Variants in MCC observed in about 807,000 individuals in gnomAD.
The protein encoded by MCC is colorectal mutant cancer protein.
In MCC, 90 loss-of-function variants were observed where a neutral mutation model predicts 116.2. The observed-to-expected ratio is 0.77, with a 90% CI of 0.65 to 0.92. The LOEUF is 0.92. Among genes scored for constraint, MCC ranks in the 40% least tolerant of loss-of-function variants. The pLI is 0.00. For missense variants in MCC, 1,516 were observed against 1,312.2 expected (o/e 1.16, Z -2.40); for synonymous variants, 578 against 510.5 (o/e 1.13, Z -1.78).
At chr5:113,183,512 C>T (rs1206019579) in intron 3 of MCC, among the ~76,000 whole-genome samples, 1 of 148,816 alleles carries the variant, frequency 6.7e-6, no homozygotes, top group African/African-American at 2.6e-5. Context: ...CTACCTCCCT[C>T]CCCCAAACAT....
In MCC at chr5:113,122,758, G is replaced by T; in HGVS notation, c.953C>A (p.Ser318Tyr). The change falls in exon 6 of 19, where the codon TCT becomes TAT. Residue 318 changes from serine (S) to tyrosine (Y), a missense_variant. Coordinates refer to ENST00000408903, the MANE Select transcript of MCC (RefSeq NM_001085377.2). The stretch of plus-strand genomic sequence containing the variant: ...GGTCTGGTCTTGGTCCATGCTTCGA[G>T]AGTCCTCGTTGACCTCGTGTTGGCT... ...SQSQHEVNED[S>Y]RSMDQDQTSV... 6.2e-7 allele frequency: 1 copy of T among 1,614,194 alleles called. No individual in the cohort carries two copies. Among genetic ancestry groups the T allele is most frequent in the Non-Finnish European group, 8.5e-7 (1 of 1,180,026 alleles).
chr5:113,238,159 C>CA (rs1202708981), intron 3 of MCC, among the ~76,000 whole-genome samples: 1 of 152,118 alleles, frequency 6.6e-6, no homozygotes, highest in East Asian at 1.9e-4. Context: ...AACTCAGATG[C>CA]AAAAATTACC....
chr5:113,106,625 T>C (rs1756748384), intron 6 of MCC, among the ~76,000 whole-genome samples: 1 of 152,152 alleles, frequency 6.6e-6, no homozygotes, highest in Non-Finnish European at 1.5e-5. Context: ...AGGGGTACAA[T>C]CCTAGCTCAC....
Position 113,458,871 on chromosome 5 carries a change from T to C in MCC, c.170+29374A>G, listed in dbSNP as rs142145518. ...AGATCTCCCTTTTAGGGGCCTCCAATTGACCAGAGGAATCTTCAACTCACC... is the reference window on the plus strand; with the variant it reads ...AGATCTCCCTTTTAGGGGCCTCCAACTGACCAGAGGAATCTTCAACTCACC... On this transcript the variant is annotated intron_variant, in intron 1 of 18. Transcript: ENST00000408903. Among the ~76,000 whole-genome samples the C allele has an allele frequency of 2.8e-3, 425 of 152,214 alleles. 1 individual carries two copies. Among genetic ancestry groups the C allele is most frequent in the African/African-American group, 8.5e-3 (354 of 41,546 alleles).
intron 3 of MCC, among the ~76,000 whole-genome samples, chr5:113,331,798 C>T (rs535330588): frequency 6.6e-6 from 1 of 150,986 alleles, no homozygotes; most frequent in Non-Finnish European, 1.5e-5. Context: ...CACCACAACC[C>T]GGCTAATTTT....
intron 1 of MCC, among the ~76,000 whole-genome samples, chr5:113,425,321 G>A (rs1002716003): frequency 6.6e-6 from 1 of 152,160 alleles, no homozygotes; most frequent in East Asian, 1.9e-4. Context: ...TGAAAGGGCA[G>A]AATCAAGACA....
In MCC at chr5:113,023,233, AGATT is replaced by A. The variant is rs1750279084; in HGVS notation, c.*4065_*4068del. On this transcript the variant is annotated 3_prime_UTR_variant, in exon 19 of 19. Transcript: ENST00000408903. ...CTTTAACCTGACCTACATGAACATA[AGATT>A]TGTAGGATGTGGATAAACTTTAAGA... is the stretch of plus-strand genomic sequence containing the variant. The A allele has an allele frequency of 6.6e-6, 1 of 152,232 alleles. No individual in the cohort carries two copies. Among genetic ancestry groups the A allele is most frequent in the African/African-American group, 2.4e-5 (1 of 41,460 alleles). The allele number at this position is 152,232 out of a possible 1,614,324, so 9.4% of individuals were successfully genotyped here.
Position 113,216,879 on chromosome 5 carries a change from C to T in MCC, c.628-65457G>A, listed in dbSNP as rs558773779. Among the ~76,000 whole-genome samples, 4 of 152,328 alleles carry T rather than the reference C, an allele frequency of 2.6e-5. No individual in the cohort carries two copies. The South Asian group carries it at 6.2e-4, about 24-fold the overall frequency. ...AGTTGCCTCCTCTGCAAAACGAAGA[C>T]AATGAAATAATTCCTCTATCTCACA... On this transcript the variant is annotated intron_variant, in intron 3 of 18. Coordinates refer to ENST00000408903, the MANE Select transcript of MCC (RefSeq NM_001085377.2).
chr5:113,278,495 C>A (rs74640882), intron 3 of MCC, among the ~76,000 whole-genome samples: 1 of 152,178 alleles, frequency 6.6e-6, no homozygotes, highest in Admixed American at 6.5e-5. Flanking sequence ...GGAGATGGAA[C>A]CTAGACCGGG....
chr5:113,062,052 T>C (rs1184872732), intron 14 of MCC, among the ~76,000 whole-genome samples: 2 of 152,232 alleles, frequency 1.3e-5, no homozygotes, highest in East Asian at 1.9e-4. Flanking sequence ...TCGTGTGTGG[T>C]TCTTCCATCC....
At chr5:113,076,290 A>C (rs976395055) in intron 11 of MCC, among the ~76,000 whole-genome samples, 1 of 152,202 alleles carries the variant, frequency 6.6e-6, no homozygotes, top group African/African-American at 2.4e-5. Context: ...CAACATTCAC[A>C]TTCAGGAAAT....
chr5:113,417,268 G>A (rs1024780685), intron 1 of MCC, among the ~76,000 whole-genome samples: 1 of 152,132 alleles, frequency 6.6e-6, no homozygotes, highest in Non-Finnish European at 1.5e-5. Flanking sequence ...GCACCCAGCA[G>A]TGAATTGCTT....
At chr5:113,174,965 A>G (rs1761259103) in intron 3 of MCC, among the ~76,000 whole-genome samples, 1 of 152,182 alleles carries the variant, frequency 6.6e-6, no homozygotes, top group African/African-American at 2.4e-5. Context: ...TGTTCACCAC[A>G]TTTATAAATA....
At chr5:113,243,000 T>C (rs568243998) in intron 3 of MCC, among the ~76,000 whole-genome samples, 76 of 152,322 alleles carry the variant, frequency 5.0e-4, no homozygotes, top group South Asian at 1.0e-3. Flanking sequence ...GGAAAGTCTG[T>C]TTCTCTTGAA....
chr5:113,444,242 A>G (rs1034370509), intron 1 of MCC, among the ~76,000 whole-genome samples: 1 of 152,162 alleles, frequency 6.6e-6, no homozygotes, highest in African/African-American at 2.4e-5. Flanking sequence ...TAGTTTGCCC[A>G]TTCCTGGAAA....
intron 17 of MCC, among the ~76,000 whole-genome samples, chr5:113,031,471 GGACTCCTGCTTCCCTCC>G (rs1750951929): frequency 6.6e-6 from 1 of 150,886 alleles, no homozygotes; most frequent in Non-Finnish European, 1.5e-5. Context: ...GGGAAGCCAG[GGACTCCTGCTTCCCTCC>G]AGCTAAAAAC....
intron 11 of MCC, among the ~76,000 whole-genome samples, chr5:113,072,814 C>T (rs892990972): frequency 2.0e-5 from 3 of 152,200 alleles, no homozygotes; most frequent in South Asian, 2.1e-4. Flanking sequence ...TCTAGCCCAG[C>T]GCTTTCTTCT....
chr5:113,122,864 A>G (rs752585806), intron 5 of MCC, 38 bp from the exon 6 acceptor site: 95 of 1,602,930 alleles, frequency 5.9e-5, no homozygotes, highest in Non-Finnish European at 7.9e-5. Context: ...CTAACAGAGG[A>G]TATAAGACAA....
At chr5:113,170,645 T>G (rs1761026745) in intron 3 of MCC, among the ~76,000 whole-genome samples, 1 of 152,202 alleles carries the variant, frequency 6.6e-6, no homozygotes, top group Admixed American at 6.5e-5. Flanking sequence ...TAGTATTTAC[T>G]GACTTTTATA....
Sources: allele counts gnomAD v4.1 joint callset (sites outside exome capture counted in the v4.1 genomes callset), GRCh38; gene constraint gnomAD v4.1.1; transcripts MANE v1.5; gene names NCBI Gene and HGNC (gene_info 2026-07-23, HGNC 2026-07-21).